NUGGC: variants seen among roughly 807,000 people sequenced by gnomAD.
The protein encoded by NUGGC is nuclear GTPase SLIP-GC.
NUGGC carries 58 observed loss-of-function variants against 92.6 expected under a neutral mutation model. The ratio of observed to expected loss-of-function variants is 0.63; its 90% CI spans 0.51 to 0.78. NUGGC has a LOEUF of 0.78. Ranked by LOEUF, NUGGC falls within the 30% of genes least tolerant of loss-of-function variation. NUGGC has a pLI of 0.00. For missense variants in NUGGC, 925 were observed against 964.6 expected (o/e 0.96, Z 0.54); for synonymous variants, 376 against 366.4 (o/e 1.03, Z -0.30).
At chr8:28,081,096 A>G (rs913272488) in intron 1 of NUGGC, among the ~76,000 whole-genome samples, 1 of 152,176 alleles carries the variant, frequency 6.6e-6, no homozygotes, top group African/African-American at 2.4e-5. Flanking sequence ...AGGTGGGCCG[A>G]TCACTTGAGG....
At position 28,031,338 on chromosome 8, in the gene NUGGC, C is replaced by T; in HGVS notation, c.1813G>A (p.Ala605Thr). Residue 605 changes from alanine to threonine, a missense_variant, in exon 15 of 19, where the codon GCT becomes ACT. By Grantham distance (58) the Ala-to-Thr change is moderately conservative. Transcript: ENST00000413272. ...TGSALMPHID[A>T]FKQSLQEKMT... is the part of the protein sequence containing the mutation. ...TTCTCCTGCAGGGACTGCTTAAAAGCATCTATGTGAGGCATCAGAGCTGAA... is the reference window on the plus strand; with the variant it reads ...TTCTCCTGCAGGGACTGCTTAAAAGTATCTATGTGAGGCATCAGAGCTGAA... The T allele has an allele frequency of 6.2e-7, 1 of 1,613,998 alleles. No homozygotes were observed. The highest frequency in any genetic ancestry group is 8.5e-7 in the Non-Finnish European group (1 of 1,179,850).
At chr8:28,074,599 T>C in intron 1 of NUGGC, 143 bp from the exon 2 acceptor site, 1 of 623,820 alleles carries the variant, frequency 1.6e-6, no homozygotes, top group South Asian at 1.8e-5. Context: ...CCTAGTACAC[T>C]ACTTGATGGA....
At chr8:28,026,767 CAT>C (rs2130061475) in intron 18 of NUGGC, among the ~76,000 whole-genome samples, 193 bp downstream of exon 18, 2 of 151,354 alleles carry the variant, frequency 1.3e-5, no homozygotes, top group South Asian at 4.2e-4. Flanking sequence ...TTGTTTTCAT[CAT>C]CATCATCATC....
intron 7 of NUGGC, among the ~76,000 whole-genome samples, chr8:28,061,882 A>G (rs1810315588): frequency 6.6e-6 from 1 of 152,204 alleles, no homozygotes; most frequent in Non-Finnish European, 1.5e-5. Flanking sequence ...ACAAATAATT[A>G]TCTGACAGCC....
At chr8:28,076,829 C>G (rs1263242760) in intron 1 of NUGGC, among the ~76,000 whole-genome samples, 1 of 152,046 alleles carries the variant, frequency 6.6e-6, no homozygotes, top group Non-Finnish European at 1.5e-5. Flanking sequence ...AAGAGACATC[C>G]TGCATATTTT....
At chr8:28,032,248 G>T (rs577160179) in intron 14 of NUGGC, among the ~76,000 whole-genome samples, 3 of 152,126 alleles carry the variant, frequency 2.0e-5, no homozygotes, top group African/African-American at 7.2e-5. Context: ...AATCCAAGAC[G>T]TGCTTAAAGA....
At position 28,045,676 on chromosome 8, in the gene NUGGC, A is replaced by G. The variant is rs748177563; in HGVS notation, c.1313-16T>C. ...TTAGGGATTTCTGGAATTCACAGGCAGCACAAATAATTGTTAAAGGCCAGA... is the reference window on the plus strand; with the variant it reads ...TTAGGGATTTCTGGAATTCACAGGCGGCACAAATAATTGTTAAAGGCCAGA... On this transcript the variant is annotated splice_polypyrimidine_tract_variant and intron_variant, in intron 11 of 18. Coordinates refer to ENST00000413272, the MANE Select transcript of NUGGC (RefSeq NM_001010906.2). 1.2e-6 allele frequency: 2 copies of G among 1,605,758 alleles called. No individual in the cohort carries two copies. Among genetic ancestry groups the G allele is most frequent in the Admixed American group, 1.7e-5 (1 of 58,256 alleles).
chr8:28,065,583 C>T (rs766878488), intron 6 of NUGGC, among the ~76,000 whole-genome samples: 3 of 152,238 alleles, frequency 2.0e-5, no homozygotes, highest in Middle Eastern at 3.4e-3. Flanking sequence ...TCTTAGACCA[C>T]GGTTCCTACT....
In NUGGC at chr8:28,023,283, T is replaced by G. The variant is rs1356960250; in HGVS notation, c.*34A>C. 1.3e-6 allele frequency: 2 copies of G among 1,598,346 alleles called. No homozygotes were observed. Among genetic ancestry groups the G allele is most frequent in the Admixed American group, 3.5e-5 (2 of 57,078 alleles). On this transcript the variant is annotated 3_prime_UTR_variant, in exon 19 of 19. Coordinates refer to ENST00000413272, the MANE Select transcript of NUGGC (RefSeq NM_001010906.2). Reference sequence around the variant, plus strand: ...TAATTCTAATTCTCTGGCTCTGGGCTGATTTTTCATCCATTGGGACTAAGC... The same window carrying G: ...TAATTCTAATTCTCTGGCTCTGGGCGGATTTTTCATCCATTGGGACTAAGC...
At chr8:28,027,230 A>G (rs577076672) in intron 17 of NUGGC, among the ~76,000 whole-genome samples, 178 bp from the exon 18 acceptor site, 2 of 152,364 alleles carry the variant, frequency 1.3e-5, no homozygotes, top group East Asian at 3.9e-4. Flanking sequence ...CAAATGGCCC[A>G]GGAGGCAGCA....
At chr8:28,043,399 GA>G (rs568966964) in intron 12 of NUGGC, among the ~76,000 whole-genome samples, 1 of 151,674 alleles carries the variant, frequency 6.6e-6, no homozygotes, top group Non-Finnish European at 1.5e-5. Context: ...GATCATCTTT[GA>G]AAAAAAATCA....
chr8:28,058,452 T>C (rs1810206739), intron 8 of NUGGC, among the ~76,000 whole-genome samples, 176 bp from the exon 9 acceptor site: 1 of 152,138 alleles, frequency 6.6e-6, no homozygotes, highest in Admixed American at 6.5e-5. Flanking sequence ...TTGAAAAAAG[T>C]GCCTTCATTT....
intron 15 of NUGGC, 54 bp from the exon 16 acceptor site, chr8:28,030,472 G>T: frequency 1.1e-6 from 1 of 939,994 alleles, no homozygotes; most frequent in Non-Finnish European, 1.7e-6. Flanking sequence ...AATGGAAGCA[G>T]GTCAGGTGTC....
rs759267602 is a variant in NUGGC at position 28,045,521 on chromosome 8, C to T, written c.1446+6G>A. 2.3e-5 allele frequency: 37 copies of T among 1,611,244 alleles called. No individual in the cohort carries two copies. The Admixed American group carries it at 4.7e-4, about 20-fold the overall frequency. On this transcript the variant is annotated splice_donor_region_variant and intron_variant, in intron 12 of 18. Transcript: ENST00000413272. Reference sequence around the variant, plus strand: ...GGAGAATATGAAAACCCAGTGTCTTCCATACCGGCAGGTTTTGCGTGGAGT... The same window carrying T: ...GGAGAATATGAAAACCCAGTGTCTTTCATACCGGCAGGTTTTGCGTGGAGT...
At chr8:28,072,039 T>C (rs1443360712) in intron 2 of NUGGC, among the ~76,000 whole-genome samples, 1 of 152,188 alleles carries the variant, frequency 6.6e-6, no homozygotes, top group African/African-American at 2.4e-5. Context: ...CCTCCCTCTC[T>C]GTTCAACCTT....
chr8:28,045,687 T>C (rs778134751), intron 11 of NUGGC, 27 bp from the exon 12 acceptor site: 4 of 1,603,260 alleles, frequency 2.5e-6, no homozygotes, highest in Non-Finnish European at 3.4e-6. Flanking sequence ...GCACAAATAA[T>C]TGTTAAAGGC....
At chr8:28,065,308 G>A (rs1396380638) in intron 6 of NUGGC, among the ~76,000 whole-genome samples, 2 of 151,830 alleles carry the variant, frequency 1.3e-5, no homozygotes, top group South Asian at 2.1e-4. Flanking sequence ...ACAGGCACCC[G>A]CAACCACGCC....
At chr8:28,078,508 C>T (rs984197261) in intron 1 of NUGGC, among the ~76,000 whole-genome samples, 1 of 152,168 alleles carries the variant, frequency 6.6e-6, no homozygotes, top group Non-Finnish European at 1.5e-5. Flanking sequence ...AGCTTTACCA[C>T]CCATCAATAA....
intron 10 of NUGGC, among the ~76,000 whole-genome samples, chr8:28,049,488 T>C (rs1254952904): frequency 6.6e-6 from 1 of 152,242 alleles, no homozygotes; most frequent in African/African-American, 2.4e-5. Flanking sequence ...TGTATAACTT[T>C]TCTAAAAATT....
Sources: gnomAD v4.1 joint callset for allele counts (sites outside exome capture counted in the v4.1 genomes callset) on GRCh38, gnomAD v4.1.1 for gene constraint, MANE v1.5 for transcripts, NCBI Gene and HGNC (gene_info 2026-07-23, HGNC 2026-07-21) for gene names.